The following BTBD3 variants were observed in gnomAD, a reference collection of about 807,000 sequenced individuals.
BTBD3 encodes BTB domain containing 3.
A neutral mutation model predicts 41.6 loss-of-function variants in BTBD3; 14 were observed. The observed-to-expected ratio is 0.34, with a 90% CI of 0.22 to 0.53. BTBD3 has a LOEUF of 0.53. BTBD3 is among the 20% of genes least tolerant of loss of function. BTBD3 has a pLI of 0.95. For missense variants in BTBD3, 426 were observed against 654.7 expected (o/e 0.65, Z 3.81); for synonymous variants, 249 against 233.7 (o/e 1.07, Z -0.60).
In BTBD3 at chr20:11,918,236, A is replaced by G. The variant is rs1475334325; in HGVS notation, c.-40A>G. 6 of 1,514,538 alleles carry G rather than the reference A, an allele frequency of 4.0e-6. No individual in the cohort carries two copies. The South Asian group carries it at 5.4e-5, about 14-fold the overall frequency. 93.8% of individuals were successfully genotyped at this position (1,514,538 alleles called of 1,614,324 possible). On this transcript the variant is annotated 5_prime_UTR_variant, in exon 1 of 4. Coordinates refer to ENST00000378226, the MANE Select transcript of BTBD3 (RefSeq NM_014962.4). ...TCTCTTTTCCTTGATGTTCAAACCA[A>G]TTTGGGATATCTAACTCTAAAGAGA...
intron 1 of BTBD3, among the ~76,000 whole-genome samples, chr20:11,907,318 T>G (rs3762217): frequency 0.034 from 5,111 of 152,274 alleles, 163 homozygotes; most frequent in East Asian, 0.16. Context: ...CCAGGACACA[T>G]TTAATAGGTA....
chr20:11,896,474 AC>A, intron 1 of BTBD3, among the ~76,000 whole-genome samples: 1 of 152,324 alleles, frequency 6.6e-6, no homozygotes, highest in Non-Finnish European at 1.5e-5. Flanking sequence ...GGCGGTTTGC[AC>A]TAGATTTAGC....
At chr20:11,913,627 ACTGTGGAATTTTCACAAACCC>A (rs2056902071), upstream of BTBD3, 1 of 152,178 alleles carries the variant, frequency 6.6e-6, no homozygotes, top group Non-Finnish European at 1.5e-5. Context: ...CCACTTCTTT[ACTGTGGAATTTTCACAAACCC>A]CTTATACTTC....
chr20:11,899,966 A>G (rs1259659372), intron 1 of BTBD3, among the ~76,000 whole-genome samples: 1 of 152,178 alleles, frequency 6.6e-6, no homozygotes. Flanking sequence ...AAATGTGAAA[A>G]TTTTCTTCAA....
At chr20:11,916,865 T>A (rs534951652), upstream of BTBD3, among the ~76,000 whole-genome samples, 1 of 152,266 alleles carries the variant, frequency 6.6e-6, no homozygotes, top group Non-Finnish European at 1.5e-5. Context: ...TTACAATAAA[T>A]AAGCATATGC....
intron 1 of BTBD3, among the ~76,000 whole-genome samples, chr20:11,903,501 T>C (rs988059230): frequency 1.3e-5 from 2 of 152,224 alleles, no homozygotes; most frequent in East Asian, 1.9e-4. Flanking sequence ...AGGATGTCAA[T>C]TAATATGATT....
chr20:11,925,522 C>G lies in BTBD3; in HGVS notation c.*1856C>G, dbSNP rs1379340043. ...TACTGGTGATTATAGATGAGTATTT[C>G]CAGGACAACGTTCTAAAAGTACAAT... On this transcript the variant is annotated 3_prime_UTR_variant, in exon 4 of 4. Transcript: ENST00000378226. 1 of 152,616 alleles carries G rather than the reference C, an allele frequency of 6.6e-6. No individual in the cohort carries two copies. Among genetic ancestry groups the G allele is most frequent in the Admixed American group, 6.5e-5 (1 of 15,286 alleles). 9.5% of individuals were successfully genotyped at this position (152,616 alleles called of 1,614,324 possible). A position where few individuals can be genotyped will look rare whatever the true frequency, so the allele number is the denominator to read the frequency against.
chr20:11,897,756 T>C (rs2056796591), intron 1 of BTBD3, among the ~76,000 whole-genome samples: 2 of 152,210 alleles, frequency 1.3e-5, no homozygotes, highest in Non-Finnish European at 2.9e-5. Context: ...TCCATCTGCT[T>C]AACATCAGAG....
intron 1 of BTBD3, chr20:11,891,042 C>G: frequency 1.1e-6 from 1 of 915,144 alleles, no homozygotes; most frequent in Non-Finnish European, 1.3e-6. Context: ...CGCCCTGCGG[C>G]CGGCCGGAGG....
In BTBD3 at chr20:11,917,939, A is replaced by G; in HGVS notation, c.-337A>G. The G allele has an allele frequency of 9.7e-7, 1 of 1,029,172 alleles. No individual in the cohort carries two copies. Among genetic ancestry groups the G allele is most frequent in the Non-Finnish European group, 1.2e-6 (1 of 856,998 alleles). The allele number at this position is 1,029,172 out of a possible 1,614,324, so 63.8% of individuals were successfully genotyped here. A position where few individuals can be genotyped will look rare whatever the true frequency, so the allele number is the denominator to read the frequency against. On this transcript the variant is annotated 5_prime_UTR_variant, in exon 1 of 4. Coordinates refer to ENST00000378226, the MANE Select transcript of BTBD3 (RefSeq NM_014962.4). ...GAACAGACTCACGCAGCTCCAGCCC[A>G]TCTTGCTGACCTAATTCAGAAAAGA...
At chr20:11,914,690 C>A (rs1368169775), upstream of BTBD3, among the ~76,000 whole-genome samples, 1 of 151,262 alleles carries the variant, frequency 6.6e-6, no homozygotes, top group Non-Finnish European at 1.5e-5. Context: ...TTAGAAATAA[C>A]CTAGACCAGT....
At position 11,922,684 on chromosome 20, in the gene BTBD3, C is replaced by T; in HGVS notation, c.587C>T (p.Thr196Ile). Residue 196 changes from threonine (T) to isoleucine (I), a missense_variant, in exon 4 of 4, where the codon ACA becomes ATA. Around this residue, in one of 3 missense-constraint regions of BTBD3, gnomAD observed 321 missense variants for 534.8 expected, o/e 0.60. Transcript: ENST00000378226. ...TTGGCTGCTGACACAGTGCTGGCCA[C>T]ACTTTATGCTGCCAAAAAGTACATT... is the stretch of plus-strand genomic sequence containing the variant. ...IDLAADTVLA[T>I]LYAAKKYIVP... The T allele has an allele frequency of 3.1e-6, 5 of 1,614,194 alleles. No homozygotes were observed. The highest frequency in any genetic ancestry group is 4.2e-6 in the Non-Finnish European group (5 of 1,180,044).
At chr20:11,914,808 C>CT (rs1481436810), upstream of BTBD3, among the ~76,000 whole-genome samples, 1 of 151,922 alleles carries the variant, frequency 6.6e-6, no homozygotes, top group African/African-American at 2.4e-5. Flanking sequence ...TCATAACATG[C>CT]TAAGAGTAGG....
chr20:11,918,401 C>G lies in BTBD3; in HGVS notation c.126C>G (p.Ser42Arg). 1.2e-6 allele frequency: 2 copies of G among 1,614,166 alleles called. No individual in the cohort carries two copies. The highest frequency in any genetic ancestry group is 1.7e-6 in the Non-Finnish European group (2 of 1,180,026). The change falls in exon 1 of 4, where the codon AGC becomes AGG. Residue 42 changes from serine (S) to arginine (R), a missense_variant. Ser to Arg is a moderately radical substitution (Grantham distance 110). Coordinates refer to ENST00000378226, the MANE Select transcript of BTBD3 (RefSeq NM_014962.4). ...ATACCAGCAGCAGCAGTAGCAACAG[C>G]AGCAAGTTGCCACCAGTTTGTTATG... ...KANTSSSSSN[S>R]SKLPPVCYEI...
chr20:11,919,331 C>T, intron 2 of BTBD3, 155 bp downstream of exon 2: 1 of 1,384,534 alleles, frequency 7.2e-7, no homozygotes, highest in Non-Finnish European at 9.4e-7. Flanking sequence ...AGGGCTTTGG[C>T]CACGCTTAAT....
chr20:11,923,211 C>T lies in BTBD3; in HGVS notation c.1114C>T (p.Pro372Ser), dbSNP rs752200492. 6.2e-7 allele frequency: 1 copy of T among 1,614,218 alleles called. No individual in the cohort carries two copies. The highest frequency in any genetic ancestry group is 1.1e-5 in the South Asian group (1 of 91,090). ...FVSKARKGLV[P>S]QRCHRFQSCA... The stretch of plus-strand genomic sequence containing the variant: ...GAGTAAAGCCCGTAAGGGCCTTGTC[C>T]CCCAGCGCTGTCACCGTTTCCAGTC... The change falls in exon 4 of 4, where the codon CCC becomes TCC. Residue 372 changes from proline to serine, a missense_variant. Around this residue, in one of 3 missense-constraint regions of BTBD3, gnomAD observed 321 missense variants for 534.8 expected, o/e 0.60. Transcript: ENST00000378226. This position sits in a 1 kb window ranked among gnomAD's most constrained non-coding sequence, Gnocchi z 5.3.
At chr20:11,907,307 C>T (rs947099280) in intron 1 of BTBD3, among the ~76,000 whole-genome samples, 5 of 152,046 alleles carry the variant, frequency 3.3e-5, no homozygotes, top group African/African-American at 1.2e-4. Context: ...TCAGGAGAGC[C>T]CCAGGACACA....
chr20:11,905,508 A>G (rs1445636413), intron 1 of BTBD3, among the ~76,000 whole-genome samples: 2 of 152,212 alleles, frequency 1.3e-5, no homozygotes, highest in Non-Finnish European at 2.9e-5. Context: ...GAAACAATAC[A>G]TTGATTATAG....
chr20:11,919,892 C>T (rs2056952849), intron 3 of BTBD3, 56 bp downstream of exon 3: 1 of 1,433,960 alleles, frequency 7.0e-7, no homozygotes. Context: ...TTGTACCCTG[C>T]TGGTTTCACA....
Sources: gnomAD v4.1 joint callset for allele counts (sites outside exome capture counted in the v4.1 genomes callset) on GRCh38, gnomAD v4.1.1 for gene constraint, gnomAD v4.1.1 regional missense constraint, Gnocchi (gnomAD v3.1) non-coding constraint, MANE v1.5 for transcripts, NCBI Gene and HGNC (gene_info 2026-07-23, HGNC 2026-07-21) for gene names.